DLL3: variants seen among roughly 807,000 people sequenced by gnomAD.
The protein encoded by DLL3 is delta-like protein 3.
In DLL3, 49 loss-of-function variants were observed where a neutral mutation model predicts 55.0. The ratio of observed to expected loss-of-function variants is 0.89; its 90% CI spans 0.71 to 1.13. The LOEUF (loss-of-function observed/expected upper bound fraction) is 1.13. Among genes scored for constraint, DLL3 ranks in the 50% most tolerant of loss-of-function variants. DLL3 has a pLI of 0.00. For missense variants in DLL3, 962 were observed against 875.5 expected, an observed-to-expected ratio of 1.10 and a Z score of -1.25; for synonymous variants, 421 against 385.2, an observed-to-expected ratio of 1.09 and a Z score of -1.09.
At position 39,502,941 on chromosome 19, in the gene DLL3, A is replaced by G; in HGVS notation, c.536A>G (p.Glu179Gly). The change falls in exon 4 of 9, where the codon GAG (glutamate) becomes GGG (glycine). Residue 179 changes from glutamate (E) to glycine (G), a missense_variant. Transcript: ENST00000356433. Reference protein sequence around the residue: ...ELRFSYRARCEPPAVGTACTR... With the variant: ...ELRFSYRARCGPPAVGTACTR... The stretch of plus-strand genomic sequence containing the variant: ...CGCTTCTCGTACCGCGCGCGCTGCG[A>G]GCCGCCTGCCGTCGGGACCGCGTGC... 2.1e-6 allele frequency: 3 copies of G among 1,442,416 alleles called. No homozygotes were observed. The highest frequency in any genetic ancestry group is 1.4e-5 in the South Asian group (1 of 72,960). 89.4% of individuals were successfully genotyped at this position (1,442,416 alleles called of 1,614,324 possible). A position where few individuals can be genotyped will look rare whatever the true frequency, so the allele number is the denominator to read the frequency against.
chr19:39,503,086 C>A, intron 4 of DLL3, 29 bp downstream of exon 4: 1 of 1,518,854 alleles, frequency 6.6e-7, no homozygotes, highest in South Asian at 1.2e-5. Context: ...CCCACCCCGT[C>A]CCAGCCGGGG....
In DLL3 at chr19:39,507,154, C is replaced by T. The variant is rs1193367886; in HGVS notation, c.1209C>T (p.Gly403=). Residue 403 remains glycine (G), a synonymous_variant, in exon 7 of 9, where the codon GGC becomes GGT. Transcript: ENST00000356433. The stretch of plus-strand genomic sequence containing the variant: ...GCGCGGGCCGCGCCTGCGCTAACGG[C>T]GGCACGTGTGTGGAGGGCGGCGGCG... The part of the protein sequence containing the change: ...DDCAGRACAN[G]GTCVEGGGAH... 6.7e-7 allele frequency: 1 copy of T among 1,486,174 alleles called. No homozygotes were observed. The highest frequency in any genetic ancestry group is 1.3e-5 in the South Asian group (1 of 77,978). 92.1% of individuals were successfully genotyped at this position (1,486,174 alleles called of 1,614,324 possible).
At chr19:39,500,344 G>A (rs2079602402) in intron 2 of DLL3, among the ~76,000 whole-genome samples, 1 of 150,858 alleles carries the variant, frequency 6.6e-6, no homozygotes, top group Non-Finnish European at 1.5e-5. Flanking sequence ...TGGGAGGATT[G>A]CTTGAGCCTC....
chr19:39,502,972 C>T lies in DLL3; in HGVS notation c.567C>T (p.Arg189=), dbSNP rs2079619074. Residue 189 remains arginine (R), a synonymous_variant, in exon 4 of 9, where the codon CGC becomes CGT. Coordinates refer to ENST00000356433, the MANE Select transcript of DLL3 (RefSeq NM_203486.3). ...EPPAVGTACT[R]LCRPRSAPSR... is the part of the protein sequence containing the mutation. ...CTGCCGTCGGGACCGCGTGCACGCG[C>T]CTCTGCCGTCCGCGCAGCGCCCCCT... is the stretch of plus-strand genomic sequence containing the variant. 3 of 1,481,772 alleles carry T rather than the reference C, an allele frequency of 2.0e-6. No homozygotes were observed. The highest frequency in any genetic ancestry group is 4.6e-5 in the Admixed American group (2 of 43,342). 91.8% of individuals were successfully genotyped at this position (1,481,772 alleles called of 1,614,324 possible). A position where few individuals can be genotyped will look rare whatever the true frequency, so the allele number is the denominator to read the frequency against.
At position 39,499,260 on chromosome 19, in the gene DLL3, G is replaced by A. The variant is rs987371248; in HGVS notation, c.138G>A (p.Pro46=). 7 of 1,543,468 alleles carry A rather than the reference G, an allele frequency of 4.5e-6. No homozygotes were observed. Among genetic ancestry groups the A allele is most frequent in the African/African-American group, 1.4e-5 (1 of 73,136 alleles). The part of the protein sequence containing the change: ...SFGPGPGPGA[P]RSPCSARLPC... ...GGCCGGGTCCAGGCCCTGGGGCCCC[G>A]CGGTCCCCCTGCAGCGCCCGGCTCC... Residue 46 remains proline (P), a synonymous_variant, in exon 2 of 9, where the codon CCG becomes CCA. Transcript: ENST00000356433.
Position 39,498,952 on chromosome 19 carries a change from C to T in DLL3, c.-23C>T, listed in dbSNP as rs919165652. ...CTTGGAAGCCAGCAGCTGCGACTCC[C>T]GAGACCCCCCCACCAGAAGGCCATG... On this transcript the variant is annotated 5_prime_UTR_variant, in exon 1 of 9. Transcript: ENST00000356433. 6.2e-7 allele frequency: 1 copy of T among 1,613,662 alleles called. No individual in the cohort carries two copies. The highest frequency in any genetic ancestry group is 8.5e-7 in the Non-Finnish European group (1 of 1,179,958).
At position 39,506,846 on chromosome 19, in the gene DLL3, G is replaced by A. The variant is rs375746979; in HGVS notation, c.1094-193G>A. Among the ~76,000 whole-genome samples, 70 of 152,238 alleles carry A rather than the reference G, an allele frequency of 4.6e-4. 1 individual carries two copies. The South Asian group carries it at 0.011, about 24-fold the overall frequency. ...AAGGGCACCGAGAGCCAAAGAGGTG[G>A]AGCTGAATTAATTATTCCAAAACTT... On this transcript the variant is annotated intron_variant, in intron 6 of 8. Transcript: ENST00000356433.
rs750497851 is a variant in DLL3, at chr19:39,507,320, T to C, written c.1375T>C (p.Tyr459His). ...SGLVCACAPG[Y>H]MGARCEFPVH... The stretch of plus-strand genomic sequence containing the variant: ...CCTCGTCTGCGCTTGCGCTCCCGGC[T>C]ACATGGGAGCGCGGTGTGAGTTCCC... The change falls in exon 7 of 9, where the codon TAC (tyrosine) becomes CAC (histidine). Residue 459 changes from tyrosine (Y) to histidine (H), a missense_variant. Physicochemically the swap from Tyr to His is moderately conservative, Grantham distance 83. Coordinates refer to ENST00000356433, the MANE Select transcript of DLL3 (RefSeq NM_203486.3). 3 of 1,564,844 alleles carry C rather than the reference T, an allele frequency of 1.9e-6. No individual in the cohort carries two copies. Among genetic ancestry groups the C allele is most frequent in the South Asian group, 2.3e-5 (2 of 86,760 alleles).
At chr19:39,502,218 G>C (rs1343561138) in intron 3 of DLL3, among the ~76,000 whole-genome samples, 1 of 151,802 alleles carries the variant, frequency 6.6e-6, no homozygotes, top group Non-Finnish European at 1.5e-5. Flanking sequence ...CAAATATCTG[G>C]GTCAAAATAC....
intron 5 of DLL3, 34 bp from the exon 6 acceptor site, chr19:39,505,168 GAGGGGGATGGGATTTTTCTCCAAGGAA>G: frequency 6.4e-7 from 1 of 1,559,192 alleles, no homozygotes; most frequent in Non-Finnish European, 8.8e-7. Context: ...TAGGACTGAG[GAGGGGGATGGGATTTTTCTCCAAGGAA>G]ACACCCTTCT....
In DLL3 at chr19:39,504,258, G is replaced by C. The variant is rs147079724; in HGVS notation, c.840G>C (p.Gly280=). Residue 280 remains glycine, a synonymous_variant, in exon 5 of 9, where the codon GGG becomes GGC. Transcript: ENST00000356433. ...TCCCTGGGCCTGGGCCCTGTGACGGGAACCCGTGTGCCAATGGAGGCAGCT... is the reference window on the plus strand; with the variant it reads ...TCCCTGGGCCTGGGCCCTGTGACGGCAACCCGTGTGCCAATGGAGGCAGCT... The part of the protein sequence containing the change: ...CLVPGPGPCD[G]NPCANGGSCS... 2 of 1,612,856 alleles carry C rather than the reference G, an allele frequency of 1.2e-6. No homozygotes were observed. The highest frequency in any genetic ancestry group is 1.7e-6 in the Non-Finnish European group (2 of 1,180,044).
At chr19:39,506,294 G>A (rs565156056) in intron 6 of DLL3, among the ~76,000 whole-genome samples, 3 of 150,498 alleles carry the variant, frequency 2.0e-5, no homozygotes, top group Non-Finnish European at 4.4e-5. Flanking sequence ...TTGAACTCGG[G>A]AGGCGGAGGT....
chr19:39,499,443 C>T lies in DLL3; in HGVS notation c.321C>T (p.Leu107=). 3 of 1,591,610 alleles carry T rather than the reference C, an allele frequency of 1.9e-6. No homozygotes were observed. Among genetic ancestry groups the T allele is most frequent in the Middle Eastern group, 1.7e-4 (1 of 6,050 alleles). ...PAPDLPLPDG[L]LQVPFRDAWP... is the part of the protein sequence containing the mutation. ...CTGATCTCCCACTGCCCGACGGCCT[C>T]TTGCAGGTGCCCTTCCGGGACGCCT... is the stretch of plus-strand genomic sequence containing the variant. The change falls in exon 2 of 9, where the codon CTC becomes CTT. Residue 107 remains leucine (L), a synonymous_variant. Transcript: ENST00000356433.
At chr19:39,508,020 TAG>T (rs1555755055) in intron 8 of DLL3, 106 bp downstream of exon 8, 1 of 1,611,590 alleles carries the variant, frequency 6.2e-7, no homozygotes, top group Non-Finnish European at 8.5e-7. Context: ...ATGAATTGGG[TAG>T]AGTCTCTGGA....
Position 39,507,969 on chromosome 19 carries a change from C to T in DLL3, c.1758+55C>T, listed in dbSNP as rs764651686. ...CACTGGGCGCGCTGGGCAGAGGCAGCACCTGCTTTTTCCCTACCCTTCCTC... is the reference window on the plus strand; with the variant it reads ...CACTGGGCGCGCTGGGCAGAGGCAGTACCTGCTTTTTCCCTACCCTTCCTC... On this transcript the variant is annotated intron_variant, in intron 8 of 8. Transcript: ENST00000356433. 7 of 1,614,096 alleles carry T rather than the reference C, an allele frequency of 4.3e-6. No individual in the cohort carries two copies. The East Asian group carries it at 1.6e-4, about 36-fold the overall frequency.
At chr19:39,502,647 A>C (rs1221674026) in intron 3 of DLL3, among the ~76,000 whole-genome samples, 168 bp from the exon 4 acceptor site, 1 of 152,120 alleles carries the variant, frequency 6.6e-6, no homozygotes, top group Non-Finnish European at 1.5e-5. Context: ...AGCCTTGCTA[A>C]AGTAGAGGGT....
At chr19:39,499,798 T>C (rs2079598990) in intron 2 of DLL3, among the ~76,000 whole-genome samples, 1 of 151,532 alleles carries the variant, frequency 6.6e-6, no homozygotes, top group African/African-American at 2.4e-5. Context: ...GTGGTCCTCA[T>C]CTTTATCCCC....
Position 39,502,996 on chromosome 19 carries a change from C to T in DLL3, c.591C>T (p.Pro197=), listed in dbSNP as rs1276073872. Residue 197 remains proline (P), a synonymous_variant, in exon 4 of 9, where the codon CCC becomes CCT. Transcript: ENST00000356433. The part of the protein sequence containing the change: ...CTRLCRPRSA[P]SRCGPGLRPC... ...GCCTCTGCCGTCCGCGCAGCGCCCC[C>T]TCGCGGTGCGGTCCGGGACTGCGCC... is the stretch of plus-strand genomic sequence containing the variant. 11 of 1,484,842 alleles carry T rather than the reference C, an allele frequency of 7.4e-6. No individual in the cohort carries two copies. Among genetic ancestry groups the T allele is most frequent in the Admixed American group, 2.3e-5 (1 of 43,866 alleles). The allele number at this position is 1,484,842 out of a possible 1,614,324, so 92.0% of individuals were successfully genotyped here. A position where few individuals can be genotyped will look rare whatever the true frequency, so the allele number is the denominator to read the frequency against.
rs577591982 is a variant in DLL3, at chr19:39,507,837, G to A, written c.1681G>A (p.Val561Ile). 4 of 1,614,006 alleles carry A rather than the reference G, an allele frequency of 2.5e-6. No homozygotes were observed. The Admixed American group carries it at 5.0e-5, about 20-fold the overall frequency. Residue 561 changes from valine (V) to isoleucine (I), a missense_variant, in exon 8 of 9, where the codon GTA becomes ATA. By Grantham distance (29) the Val-to-Ile change is conservative. Transcript: ENST00000356433. ...EGSGDGPSSS[V>I]DWNRPEDVDP... ...CTTTCTCTCCTCCCACAGCTCGTCC[G>A]TAGATTGGAATCGCCCTGAAGATGT... is the stretch of plus-strand genomic sequence containing the variant.
Sources: allele counts gnomAD v4.1 joint callset (sites outside exome capture counted in the v4.1 genomes callset), GRCh38; gene constraint gnomAD v4.1.1; transcripts MANE v1.5; gene names NCBI Gene and HGNC (gene_info 2026-07-23, HGNC 2026-07-21).